The following SOX6 variants were observed in gnomAD, a reference collection of about 807,000 sequenced individuals.
SOX6 encodes the protein SRY-box transcription factor 6.
SOX6 carries 11 observed loss-of-function variants against 97.8 expected under a neutral mutation model. The observed-to-expected ratio is 0.11, with a 90% CI of 0.07 to 0.19. SOX6 has a LOEUF of 0.19. Among genes scored for constraint, SOX6 ranks in the 10% least tolerant of loss-of-function variants. The pLI is 1.00. For missense variants in SOX6, 810 were observed against 1,039.5 expected, an observed-to-expected ratio of 0.78 and a Z score of 3.04; for synonymous variants, 360 against 371.4, an observed-to-expected ratio of 0.97 and a Z score of 0.35.
At chr11:16,209,092 G>A (rs1852148268) in intron 4 of SOX6, among the ~76,000 whole-genome samples, 1 of 152,122 alleles carries the variant, frequency 6.6e-6, no homozygotes, top group Admixed American at 6.5e-5. Flanking sequence ...TCTTAAGCCT[G>A]AAATACAAAA....
upstream of SOX6, among the ~76,000 whole-genome samples, chr11:16,478,451 C>G (rs572604763): frequency 1.3e-4 from 20 of 152,230 alleles, no homozygotes; most frequent in South Asian, 3.9e-3. Flanking sequence ...AAGTCAGATT[C>G]CAGACATTTA....
At chr11:16,417,371 G>A (rs1858944879) in intron 1 of SOX6, among the ~76,000 whole-genome samples, 1 of 152,128 alleles carries the variant, frequency 6.6e-6, no homozygotes, top group South Asian at 2.1e-4. Context: ...TCACGACTGT[G>A]ATTGGGGTAA....
chr11:16,610,005 C>A lies in SOX6; in HGVS notation n.609+2076G>T, dbSNP rs1848378692. 6.6e-6 allele frequency among the ~76,000 whole-genome samples: 1 copy of A among 152,190 alleles called. No homozygotes were observed. The highest frequency in any genetic ancestry group is 1.5e-5 in the Non-Finnish European group (1 of 68,038). ...GCTGGGCAGCTCTTAAAGGCCAGGGCTCCCAGAACTGCCTGCGGGCCCCTT... is the reference window on the plus strand; with the variant it reads ...GCTGGGCAGCTCTTAAAGGCCAGGGATCCCAGAACTGCCTGCGGGCCCCTT... On this transcript the variant is annotated intron_variant and non_coding_transcript_variant, in intron 4 of 5. Transcript: ENST00000524520. This position sits in a 1 kb window ranked among gnomAD's most constrained non-coding sequence, Gnocchi z 4.4.
intron 9 of SOX6, among the ~76,000 whole-genome samples, chr11:16,066,935 A>C (rs1402372690): frequency 6.6e-6 from 1 of 152,088 alleles, no homozygotes; most frequent in East Asian, 1.9e-4. Flanking sequence ...GATCATTTTG[A>C]AGCTTTAAGA....
At chr11:16,522,252 G>A (rs1037867495) in intron 4 of SOX6, among the ~76,000 whole-genome samples, 2 of 152,100 alleles carry the variant, frequency 1.3e-5, no homozygotes, top group African/African-American at 4.8e-5. Context: ...TACCCACAAA[G>A]GGAAGCCCAT....
At chr11:16,142,025 T>C (rs564722688) in intron 6 of SOX6, among the ~76,000 whole-genome samples, 1 of 152,080 alleles carries the variant, frequency 6.6e-6, no homozygotes, top group East Asian at 1.9e-4. Flanking sequence ...CAGCATGGAG[T>C]TTGAGATCTG....
chr11:16,650,440 G>A (rs1847630227), intron 3 of SOX6, among the ~76,000 whole-genome samples: 2 of 152,038 alleles, frequency 1.3e-5, no homozygotes, highest in African/African-American at 2.4e-5. Context: ...TCAGATCACA[G>A]TGGAATAAAA....
intron 9 of SOX6, among the ~76,000 whole-genome samples, chr11:16,092,092 G>T (rs11600423): frequency 6.6e-6 from 1 of 151,880 alleles, no homozygotes; most frequent in African/African-American, 2.4e-5. Flanking sequence ...CTTTATCTCA[G>T]GGCTGACCCA....
intron 3 of SOX6, among the ~76,000 whole-genome samples, chr11:16,635,998 T>C (rs1316063757): frequency 1.3e-5 from 2 of 152,224 alleles, no homozygotes; most frequent in East Asian, 3.8e-4. Context: ...GGAGAGCCTC[T>C]GCTAGGGCAG....
At chr11:16,134,976 T>C (rs1179003984) in intron 6 of SOX6, among the ~76,000 whole-genome samples, 3 of 152,230 alleles carry the variant, frequency 2.0e-5, no homozygotes, top group African/African-American at 7.2e-5. Context: ...CTAATGCAGC[T>C]AGTGACTTTA....
At chr11:16,090,958 A>G (rs1254402547) in intron 9 of SOX6, among the ~76,000 whole-genome samples, 1 of 152,138 alleles carries the variant, frequency 6.6e-6, no homozygotes, top group African/African-American at 2.4e-5. Context: ...ATCATTTATA[A>G]GAACCCTGAG....
intron 3 of SOX6, among the ~76,000 whole-genome samples, chr11:16,663,426 G>T (rs186463359): frequency 1.7e-3 from 266 of 152,150 alleles, no homozygotes; most frequent in Non-Finnish European, 3.0e-3. Context: ...GGGCTCAAGG[G>T]ATCCTCCTGC....
intron 4 of SOX6, among the ~76,000 whole-genome samples, chr11:16,215,706 A>G (rs2134149211): frequency 6.6e-6 from 1 of 152,310 alleles, no homozygotes; most frequent in Non-Finnish European, 1.5e-5. Context: ...AAAAATTTAA[A>G]TTAAAAGGGA....
intron 9 of SOX6, among the ~76,000 whole-genome samples, chr11:16,085,614 C>G (rs1053106781): frequency 5.9e-5 from 9 of 152,186 alleles, no homozygotes; most frequent in Non-Finnish European, 1.3e-4. Flanking sequence ...AGGTCAGCCT[C>G]TCACCAGCGT....
At chr11:16,320,266 T>G (rs897611701) in intron 2 of SOX6, among the ~76,000 whole-genome samples, 1 of 152,062 alleles carries the variant, frequency 6.6e-6, no homozygotes, top group African/African-American at 2.4e-5. Flanking sequence ...CTCCTCTATA[T>G]CTTTCCTTCA....
chr11:16,350,904 G>C (rs1168162644), intron 1 of SOX6, among the ~76,000 whole-genome samples: 1 of 152,126 alleles, frequency 6.6e-6, no homozygotes, highest in Non-Finnish European at 1.5e-5. Context: ...AAAAGGCAGA[G>C]AGGGAGAGAT....
chr11:16,333,862 C>A (rs1415307375), intron 2 of SOX6, among the ~76,000 whole-genome samples: 2 of 152,082 alleles, frequency 1.3e-5, no homozygotes, highest in African/African-American at 4.8e-5. Flanking sequence ...AAAAGTCAAA[C>A]CACAGGAGCA....
intron 3 of SOX6, among the ~76,000 whole-genome samples, chr11:16,254,764 A>G (rs986190711): frequency 6.6e-6 from 1 of 152,090 alleles, no homozygotes; most frequent in Admixed American, 6.6e-5. Context: ...ATGGGTAGGT[A>G]CTAATCCAAC....
At chr11:16,517,158 A>C in intron 4 of SOX6, among the ~76,000 whole-genome samples, 1 of 152,134 alleles carries the variant, frequency 6.6e-6, no homozygotes, top group Non-Finnish European at 1.5e-5. Flanking sequence ...TCAATAAATT[A>C]GCTATTGATG....
Sources: gnomAD v4.1 joint callset for allele counts (sites outside exome capture counted in the v4.1 genomes callset) on GRCh38, gnomAD v4.1.1 for gene constraint, Gnocchi (gnomAD v3.1) non-coding constraint, MANE v1.5 for transcripts, NCBI Gene and HGNC (gene_info 2026-07-23, HGNC 2026-07-21) for gene names.